Variants in SETBP1 observed in about 807,000 individuals in gnomAD.
SETBP1 encodes the protein SET binding protein 1, also known as SET-binding protein.
In SETBP1, 9 loss-of-function variants were observed where a neutral mutation model predicts 101.0. That is an observed-to-expected ratio of 0.09 (90% CI 0.05 to 0.16). The LOEUF is 0.16. SETBP1 is among the 10% of genes least tolerant of loss of function. The pLI is 1.00. For synonymous variants in SETBP1, 818 were observed against 788.5 expected (o/e 1.04, Z -0.63); for missense variants, 1,858 against 2,033.8 (o/e 0.91, Z 1.66).
rs200023639 is a variant in SETBP1, at chr18:44,950,982, A to G, written c.1642A>G (p.Met548Val). 1 of 1,614,124 alleles carries G rather than the reference A, an allele frequency of 6.2e-7. No individual in the cohort carries two copies. Among genetic ancestry groups the G allele is most frequent in the East Asian group, 2.2e-5 (1 of 44,876 alleles). ...KPSTMLREAV[M>V]ATSDKLMLEP... ...TAGCACCATGCTTCGAGAGGCAGTT[A>G]TGGCCACCTCTGATAAACTGATGCT... Residue 548 changes from methionine to valine, a missense_variant, in exon 4 of 6, where the codon ATG becomes GTG. Met to Val is a conservative substitution (Grantham distance 21). This residue lies in a region of SETBP1 where 581 missense variants were observed against 535.1 expected (regional missense o/e 1.09). Transcript: ENST00000649279.
At chr18:44,680,448 C>G (rs575130161), upstream of SETBP1, 120 of 152,032 alleles carry the variant, frequency 7.9e-4, no homozygotes, top group African/African-American at 2.6e-3. Context: ...AGCCTCCCTC[C>G]GCGCCGCGGG....
chr18:44,871,233 C>T (rs568520181), intron 3 of SETBP1: 4 of 152,292 alleles, frequency 2.6e-5, no homozygotes, highest in East Asian at 3.9e-4. Context: ...AGATGTGTCT[C>T]GGGTCAACAG....
At chr18:44,832,481 G>T (rs915552386) in intron 2 of SETBP1, among the ~76,000 whole-genome samples, 1 of 152,212 alleles carries the variant, frequency 6.6e-6, no homozygotes, top group South Asian at 2.1e-4. Context: ...GTCAGGGCGA[G>T]CCCCTCTAGC....
At chr18:44,760,063 T>A (rs1399072221) in intron 2 of SETBP1, among the ~76,000 whole-genome samples, 1 of 152,224 alleles carries the variant, frequency 6.6e-6, no homozygotes. Flanking sequence ...TGGTGGAGGC[T>A]CTTGTTACAA....
chr18:44,709,496 G>A (rs1269129715), intron 2 of SETBP1, among the ~76,000 whole-genome samples: 2 of 152,202 alleles, frequency 1.3e-5, no homozygotes, highest in Non-Finnish European at 1.5e-5. Flanking sequence ...AACGTTTCCT[G>A]ACAGTTGGAA....
chr18:45,005,303 A>G (rs1353604865), intron 4 of SETBP1, among the ~76,000 whole-genome samples: 2 of 152,210 alleles, frequency 1.3e-5, no homozygotes, highest in Non-Finnish European at 2.9e-5. Flanking sequence ...AGATACAGTC[A>G]TCATTTTTCT....
chr18:45,000,692 G>T (rs554866717), intron 4 of SETBP1, among the ~76,000 whole-genome samples: 1 of 152,100 alleles, frequency 6.6e-6, no homozygotes, highest in Admixed American at 6.5e-5. Flanking sequence ...GGAAGAGAAA[G>T]CAGAGAAGTT....
At chr18:44,866,893 A>G (rs1479335768) in intron 2 of SETBP1, among the ~76,000 whole-genome samples, 2 of 152,252 alleles carry the variant, frequency 1.3e-5, no homozygotes, top group South Asian at 2.1e-4. Flanking sequence ...ACCAGGATAC[A>G]TGCTTTATGT....
chr18:44,924,842 T>G (rs1422412963), intron 3 of SETBP1, among the ~76,000 whole-genome samples: 1 of 152,100 alleles, frequency 6.6e-6, no homozygotes, highest in Non-Finnish European at 1.5e-5. Flanking sequence ...GCAAATCACC[T>G]CCTATGTGGC....
At position 44,701,409 on chromosome 18, in the gene SETBP1, G is replaced by A. The variant is rs747925803; in HGVS notation, c.63G>A (p.Pro21=). The A allele has an allele frequency of 2.0e-5, 32 of 1,579,160 alleles. No homozygotes were observed. Among genetic ancestry groups the A allele is most frequent in the African/African-American group, 2.7e-5 (2 of 74,030 alleles). The change falls in exon 2 of 6, where the codon CCG becomes CCA. Residue 21 remains proline (P), a synonymous_variant. Coordinates refer to ENST00000649279, the MANE Select transcript of SETBP1 (RefSeq NM_015559.3). ...RQRGGESDFL[P]VSSAKPPAAP... ...GAGGGGGCGAGTCAGACTTCCTGCC[G>A]GTCTCCTCAGCCAAGCCCCCAGCTG...
chr18:44,879,285 C>T (rs1331527506), intron 3 of SETBP1, among the ~76,000 whole-genome samples: 1 of 152,162 alleles, frequency 6.6e-6, no homozygotes, highest in Non-Finnish European at 1.5e-5. Flanking sequence ...TGGAACCAAA[C>T]TGATAAGTTT....
At chr18:45,045,838 G>A (rs1433278132) in intron 5 of SETBP1, among the ~76,000 whole-genome samples, 6 of 152,098 alleles carry the variant, frequency 3.9e-5, no homozygotes. Context: ...ACAAGTGGGT[G>A]CTGTTTTTGC....
intron 2 of SETBP1, among the ~76,000 whole-genome samples, chr18:44,702,163 T>C (rs1302722507): frequency 3.3e-5 from 5 of 152,162 alleles, no homozygotes; most frequent in Non-Finnish European, 5.9e-5. Flanking sequence ...AGAAAAAATA[T>C]ATTTGCTATT....
chr18:44,903,838 A>G (rs960163386), intron 3 of SETBP1, among the ~76,000 whole-genome samples: 5 of 152,232 alleles, frequency 3.3e-5, no homozygotes, highest in African/African-American at 1.2e-4. Context: ...GAACTGATTT[A>G]TTCATCTCCT....
At chr18:44,787,016 G>C (rs538933876) in intron 2 of SETBP1, among the ~76,000 whole-genome samples, 1 of 152,194 alleles carries the variant, frequency 6.6e-6, no homozygotes, top group Non-Finnish European at 1.5e-5. Context: ...AGAACATTTT[G>C]AGCAGTTACC....
chr18:44,777,721 G>T (rs1275653206), intron 2 of SETBP1, among the ~76,000 whole-genome samples: 1 of 152,162 alleles, frequency 6.6e-6, no homozygotes, highest in Non-Finnish European at 1.5e-5. Context: ...TTCATATTTG[G>T]CACTGCCTCT....
intron 3 of SETBP1, among the ~76,000 whole-genome samples, chr18:44,890,175 A>G (rs1188539146): frequency 6.6e-6 from 1 of 152,122 alleles, no homozygotes; most frequent in East Asian, 1.9e-4. Context: ...TATAGTCACT[A>G]TGTTGTAAAA....
chr18:44,701,185 G>A lies in SETBP1; in HGVS notation c.-162G>A, dbSNP rs2069109458. 1 of 655,474 alleles carries A rather than the reference G, an allele frequency of 1.5e-6. No individual in the cohort carries two copies. The highest frequency in any genetic ancestry group is 2.9e-5 in the East Asian group (1 of 34,910). 40.6% of individuals were successfully genotyped at this position (655,474 alleles called of 1,614,324 possible). ...CTCTTTGCTTCTCAGTTGCAGATCT[G>A]ATCTCTTCTGAACACCTCATCGTGT... On this transcript the variant is annotated 5_prime_UTR_variant, in exon 2 of 6. Transcript: ENST00000649279.
intron 3 of SETBP1, chr18:44,871,817 T>C (rs529499606): frequency 6.6e-6 from 1 of 152,288 alleles, no homozygotes; most frequent in South Asian, 2.1e-4. Context: ...TTTTCTAGGG[T>C]ATTGTGTTTT....
Sources: gnomAD v4.1 joint callset for allele counts (sites outside exome capture counted in the v4.1 genomes callset) on GRCh38, gnomAD v4.1.1 for gene constraint, gnomAD v4.1.1 regional missense constraint, MANE v1.5 for transcripts, NCBI Gene and HGNC (gene_info 2026-07-23, HGNC 2026-07-21) for gene names.